XIRP2: variants seen among roughly 807,000 people sequenced by gnomAD.
XIRP2 encodes the protein xin actin binding repeat containing 2.
A neutral mutation model predicts 277.0 loss-of-function variants in XIRP2; 236 were observed. That is an observed-to-expected ratio of 0.85 (90% CI 0.77 to 0.95). The LOEUF (loss-of-function observed/expected upper bound fraction) is 0.95, where lower values mean the gene tolerates loss of function less well. Ranked by LOEUF, XIRP2 falls within the 40% of genes least tolerant of loss-of-function variation. The pLI, the probability that XIRP2 is intolerant of heterozygous loss-of-function variation, is 0.00. For synonymous variants in XIRP2, 1,490 were observed against 1,416.5 expected (o/e 1.05, Z -1.17); for missense variants, 4,640 against 4,157.5 (o/e 1.12, Z -3.19).
chr2:167,236,903 A>C (rs1319796171), intron 5 of XIRP2, among the ~76,000 whole-genome samples: 1 of 152,124 alleles, frequency 6.6e-6, no homozygotes, highest in Non-Finnish European at 1.5e-5. Flanking sequence ...CTCTATAGAC[A>C]CCAACAATTA....
chr2:166,969,510 T>C (rs1284148201), intron 2 of XIRP2, among the ~76,000 whole-genome samples: 1 of 151,898 alleles, frequency 6.6e-6, no homozygotes, highest in East Asian at 1.9e-4. Context: ...TTTAATATCT[T>C]CTGCAGTATG....
intron 5 of XIRP2, among the ~76,000 whole-genome samples, chr2:167,220,671 C>A (rs1407680250): frequency 6.6e-6 from 1 of 152,134 alleles, no homozygotes; most frequent in Admixed American, 6.6e-5. Context: ...AGGCTTATAG[C>A]ATCTTGTTGG....
In XIRP2 at chr2:167,242,665, A is replaced by G. The variant is rs1270614947; in HGVS notation, c.1273A>G (p.Thr425Ala). 10 of 1,614,096 alleles carry G rather than the reference A, an allele frequency of 6.2e-6. No homozygotes were observed. The highest frequency in any genetic ancestry group is 3.3e-4 in the Middle Eastern group (2 of 6,062). Residue 425 changes from threonine (T) to alanine (A), a missense_variant, in exon 9 of 11, where the codon ACT (threonine) becomes GCT (alanine). By Grantham distance (58) the Thr-to-Ala change is moderately conservative. Transcript: ENST00000409195. Reference sequence around the variant, plus strand: ...AACCAGCCAGAGGAAGGAAACATCAACTACAAGATATAGTGATCACAGTGT... The same window carrying G: ...AACCAGCCAGAGGAAGGAAACATCAGCTACAAGATATAGTGATCACAGTGT... ...VSTSQRKETS[T>A]TRYSDHSVTS...
intron 9 of XIRP2, among the ~76,000 whole-genome samples, chr2:167,253,126 T>A (rs921609586): frequency 6.6e-6 from 1 of 151,940 alleles, no homozygotes; most frequent in Non-Finnish European, 1.5e-5. Context: ...CTGAGCATAT[T>A]TTCTTTTATA....
At chr2:167,046,172 G>A (rs944332624) in intron 2 of XIRP2, among the ~76,000 whole-genome samples, 5 of 152,004 alleles carry the variant, frequency 3.3e-5, no homozygotes, top group African/African-American at 1.2e-4. Context: ...GACATTATTG[G>A]TGTACAGAAA....
At chr2:166,933,232 T>C (rs558301099) in intron 2 of XIRP2, among the ~76,000 whole-genome samples, 2 of 151,380 alleles carry the variant, frequency 1.3e-5, no homozygotes, top group Non-Finnish European at 2.9e-5. Context: ...CATTGCAAGC[T>C]CCACCTCCCG....
intron 2 of XIRP2, among the ~76,000 whole-genome samples, chr2:167,098,360 C>T (rs975087187): frequency 6.6e-5 from 10 of 152,258 alleles, no homozygotes; most frequent in African/African-American, 2.4e-4. Flanking sequence ...CTTGTGTATA[C>T]TTCATGAAGT....
chr2:167,210,750 A>G lies in XIRP2; in HGVS notation c.578A>G (p.Asn193Ser). The G allele has an allele frequency of 6.2e-6, 10 of 1,614,186 alleles. No individual in the cohort carries two copies. Among genetic ancestry groups the G allele is most frequent in the Non-Finnish European group, 8.5e-6 (10 of 1,180,012 alleles). Residue 193 changes from asparagine to serine, a missense_variant, in exon 4 of 11, where the codon AAT (asparagine) becomes AGT (serine). Transcript: ENST00000409195. ...TTGCTTTCAGCGACTGCTGGCCCTA[A>G]TAAGCCTGAGAGTGGATTTGCAGAA... ...SRIFEATAGP[N>S]KPESGFAEDS...
At chr2:166,997,065 G>A (rs1440525069) in intron 2 of XIRP2, among the ~76,000 whole-genome samples, 5 of 152,140 alleles carry the variant, frequency 3.3e-5, no homozygotes, top group Non-Finnish European at 7.4e-5. Flanking sequence ...TACTATGAAG[G>A]AGGACGTCTA....
intron 2 of XIRP2, among the ~76,000 whole-genome samples, chr2:167,049,879 CA>C (rs1688874325): frequency 1.3e-5 from 2 of 151,954 alleles, no homozygotes; most frequent in East Asian, 3.9e-4. Flanking sequence ...GGGCCCCTAA[CA>C]AATATCGTTG....
intron 2 of XIRP2, among the ~76,000 whole-genome samples, chr2:167,068,167 A>G (rs1689346883): frequency 6.6e-6 from 1 of 152,192 alleles, no homozygotes; most frequent in African/African-American, 2.4e-5. Context: ...TGTTGCCATA[A>G]TATGTATTAA....
At chr2:166,941,269 G>A (rs1230390120) in intron 2 of XIRP2, among the ~76,000 whole-genome samples, 1 of 152,226 alleles carries the variant, frequency 6.6e-6, no homozygotes, top group Non-Finnish European at 1.5e-5. Context: ...ATCTCCTGGT[G>A]TGCCATTTGC....
At chr2:167,083,331 G>A (rs1426938933) in intron 2 of XIRP2, among the ~76,000 whole-genome samples, 1 of 152,208 alleles carries the variant, frequency 6.6e-6, no homozygotes, top group Non-Finnish European at 1.5e-5. Flanking sequence ...GTACCATGCT[G>A]TTTTGGTTAC....
At chr2:166,994,694 A>C (rs963427891) in intron 2 of XIRP2, among the ~76,000 whole-genome samples, 1 of 151,296 alleles carries the variant, frequency 6.6e-6, no homozygotes, top group Non-Finnish European at 1.5e-5. Context: ...CTATCAAAAA[A>C]AAAAAAAACT....
chr2:167,030,438 AACTT>A (rs1450945024), intron 2 of XIRP2, among the ~76,000 whole-genome samples: 3 of 152,090 alleles, frequency 2.0e-5, no homozygotes, highest in Admixed American at 6.6e-5. Flanking sequence ...GGGTTCAAAA[AACTT>A]ATTTATTTCT....
At position 166,974,074 on chromosome 2, in the gene XIRP2, T is replaced by A. The variant is rs534981552; in HGVS notation, c.408+70184T>A. On this transcript the variant is annotated intron_variant, in intron 2 of 10. Transcript: ENST00000409195. ...ATAAAGAACCATTGGAACAAACAAC[T>A]GTAGGCAAACACTGGGTGATAGGTT... is the stretch of plus-strand genomic sequence containing the variant. 3.3e-5 allele frequency among the ~76,000 whole-genome samples: 5 copies of A among 152,276 alleles called. No homozygotes were observed. In the South Asian group the frequency reaches 1.0e-3, roughly 32 times the overall value.
At chr2:167,201,195 AAAGAAAGAAAGAAAGAAAG>A in intron 3 of XIRP2, among the ~76,000 whole-genome samples, 1 of 14,518 alleles carries the variant, frequency 6.9e-5, no homozygotes, top group Admixed American at 9.2e-4. Context: ...AGAGAGAAAG[AAAGAAAGAAAGAAAGAAAG>A]AAAGAAAGAA....
intron 2 of XIRP2, among the ~76,000 whole-genome samples, chr2:166,915,031 C>T (rs1684823344): frequency 6.6e-6 from 1 of 151,930 alleles, no homozygotes; most frequent in Non-Finnish European, 1.5e-5. Context: ...GGAGCGGTGG[C>T]TCACACCTGT....
chr2:167,026,323 T>C (rs939849842), intron 2 of XIRP2, among the ~76,000 whole-genome samples: 73 of 152,244 alleles, frequency 4.8e-4, no homozygotes, highest in African/African-American at 1.6e-3. Context: ...TCTTCCTCCA[T>C]CCTTTTATTT....
Sources: allele counts gnomAD v4.1 joint callset (sites outside exome capture counted in the v4.1 genomes callset), GRCh38; gene constraint gnomAD v4.1.1; transcripts MANE v1.5; gene names NCBI Gene and HGNC (gene_info 2026-07-23, HGNC 2026-07-21).